The following SLC8A1 variants were observed in gnomAD, a reference collection of about 807,000 sequenced individuals.
SLC8A1 encodes sodium/calcium exchanger 1.
Under a neutral mutation model 68.3 loss-of-function variants are expected in SLC8A1, and 18 were observed. The ratio of observed to expected loss-of-function variants is 0.26; its 90% CI spans 0.18 to 0.39. The LOEUF (loss-of-function observed/expected upper bound fraction) is 0.39. Among genes scored for constraint, SLC8A1 ranks in the 10% least tolerant of loss-of-function variants. The probability of loss-of-function intolerance (pLI) is 1.00; values close to 1 mark genes in which losing one functional copy is unlikely to be tolerated. For missense variants in SLC8A1, 985 were observed against 1,156.7 expected, an observed-to-expected ratio of 0.85 and a Z score of 2.15; for synonymous variants, 475 against 415.5, an observed-to-expected ratio of 1.14 and a Z score of -1.74.
chr2:40,387,971 G>A (rs1434593260), intron 2 of SLC8A1, among the ~76,000 whole-genome samples: 4 of 148,700 alleles, frequency 2.7e-5, no homozygotes, highest in African/African-American at 9.9e-5. Flanking sequence ...AATTAGTTGA[G>A]ACTGATGGGC....
intron 1 of SLC8A1, among the ~76,000 whole-genome samples, chr2:40,443,420 G>T (rs1355417541): frequency 6.6e-6 from 1 of 152,146 alleles, no homozygotes; most frequent in East Asian, 1.9e-4. Flanking sequence ...AAGACATTCT[G>T]CAGGAAACCA....
At chr2:40,383,901 C>T (rs1682737914) in intron 2 of SLC8A1, among the ~76,000 whole-genome samples, 2 of 152,008 alleles carry the variant, frequency 1.3e-5, no homozygotes, top group South Asian at 2.1e-4. Flanking sequence ...AAGAGTGAAC[C>T]TTCAGTCATT....
At chr2:40,429,814 A>G (rs1285306398) in exon 2 of SLC8A1, 1 of 1,613,488 alleles carries the variant, frequency 6.2e-7, no homozygotes, top group East Asian at 2.2e-5. Flanking sequence ...ATGGCCACAC[A>G]CTTCAATTAC....
intron 2 of SLC8A1, among the ~76,000 whole-genome samples, chr2:40,416,262 T>G (rs962774427): frequency 2.3e-4 from 35 of 152,154 alleles, no homozygotes; most frequent in African/African-American, 8.4e-4. Flanking sequence ...GGTCAACTTA[T>G]ATAAGACACT....
rs1302295037 is a variant in SLC8A1 at position 40,177,724 on chromosome 2, G to A, written c.1912+28C>T. 8.9e-6 allele frequency: 12 copies of A among 1,347,054 alleles called. No homozygotes were observed. Among genetic ancestry groups the A allele is most frequent in the Admixed American group, 3.9e-5 (2 of 50,668 alleles). The allele number at this position is 1,347,054 out of a possible 1,614,324, so 83.4% of individuals were successfully genotyped here. ...CGGAGAGAGAAGAGTACAATTTCTC[G>A]CTGGTATGTCTTTGTTTACTCTCAC... On this transcript the variant is annotated intron_variant, in intron 3 of 7. Coordinates refer to ENST00000406785, the Ensembl canonical transcript of SLC8A1.
intron 2 of SLC8A1, among the ~76,000 whole-genome samples, chr2:40,386,792 T>G (rs1018687027): frequency 6.6e-6 from 1 of 150,958 alleles, no homozygotes; most frequent in Non-Finnish European, 1.5e-5. Context: ...AACAGGCCAG[T>G]TTTCTTCTTT....
At chr2:40,351,604 G>C (rs1409933128) in intron 2 of SLC8A1, among the ~76,000 whole-genome samples, 1 of 151,460 alleles carries the variant, frequency 6.6e-6, no homozygotes, top group Non-Finnish European at 1.5e-5. Flanking sequence ...AAAAAAGTTG[G>C]AAAACTCATA....
intron 7 of SLC8A1, among the ~76,000 whole-genome samples, chr2:40,119,714 A>G (rs1223960681): frequency 3.3e-5 from 5 of 152,226 alleles, no homozygotes; most frequent in Non-Finnish European, 7.3e-5. Context: ...GTTGATAATA[A>G]CACATGTATT....
Position 40,460,363 on chromosome 2 carries a change from C to A in SLC8A1, c.-24-30059G>T, listed in dbSNP as rs73926218. Among the ~76,000 whole-genome samples the A allele has an allele frequency of 8.7e-3, 1,324 of 152,168 alleles. 20 individuals carry two copies. Among genetic ancestry groups the A allele is most frequent in the African/African-American group, 0.028 (1,163 of 41,492 alleles). The stretch of plus-strand genomic sequence containing the variant: ...ATAAATATCTGTTGAATAAATGATG[C>A]AATTTAATGGAACATGCTACTTTAT... On this transcript the variant is annotated intron_variant, in intron 1 of 7. Transcript: ENST00000402441.
chr2:40,462,537 G>T (rs1000136813), intron 1 of SLC8A1, among the ~76,000 whole-genome samples: 14 of 151,548 alleles, frequency 9.2e-5, no homozygotes, highest in Admixed American at 2.0e-4. Context: ...GGCGGGGCAT[G>T]GTGGTTCATG....
chr2:40,466,872 C>T (rs961947215), intron 1 of SLC8A1, among the ~76,000 whole-genome samples: 2 of 151,266 alleles, frequency 1.3e-5, no homozygotes, highest in Non-Finnish European at 2.9e-5. Context: ...TATATGATTA[C>T]TTGACATCAA....
intron 2 of SLC8A1, among the ~76,000 whole-genome samples, chr2:40,283,704 C>T (rs2067846082): frequency 6.6e-6 from 1 of 152,220 alleles, no homozygotes; most frequent in African/African-American, 2.4e-5. Context: ...CTCACTGCAG[C>T]TGTCCTTTCT....
chr2:40,224,028 C>A (rs929309569), intron 2 of SLC8A1, among the ~76,000 whole-genome samples: 16 of 152,068 alleles, frequency 1.1e-4, no homozygotes, highest in Admixed American at 6.6e-5. Context: ...GTGGGCCCAG[C>A]ATGGTATAGC....
At chr2:40,352,001 A>G (rs1461508530) in intron 2 of SLC8A1, among the ~76,000 whole-genome samples, 1 of 152,228 alleles carries the variant, frequency 6.6e-6, no homozygotes, top group African/African-American at 2.4e-5. Context: ...CAAAAAGCTA[A>G]AATAAGGAAA....
intron 2 of SLC8A1, among the ~76,000 whole-genome samples, chr2:40,350,663 T>G (rs552794723): frequency 2.0e-4 from 29 of 148,104 alleles, no homozygotes; most frequent in African/African-American, 6.5e-4. Flanking sequence ...ATGTGTAAAT[T>G]TGTCTTAACA....
intron 2 of SLC8A1, among the ~76,000 whole-genome samples, chr2:40,333,612 T>C (rs980874419): frequency 1.3e-5 from 2 of 152,282 alleles, no homozygotes; most frequent in South Asian, 4.1e-4. Context: ...AGAAAATATA[T>C]ATATTTTTCT....
chr2:40,386,333 A>G (rs10192458), intron 2 of SLC8A1, among the ~76,000 whole-genome samples: 108,941 of 149,422 alleles, frequency 0.73, 41,206 homozygotes, highest in African/African-American at 0.93. Flanking sequence ...GTGTGTGTGT[A>G]TATAACAGAG....
At chr2:40,156,389 A>ATTCT (rs2044507629) in intron 6 of SLC8A1, among the ~76,000 whole-genome samples, 1 of 147,468 alleles carries the variant, frequency 6.8e-6, no homozygotes, top group African/African-American at 2.6e-5. Context: ...ACTTTTGAGT[A>ATTCT]TTCTTTCGTT....
At chr2:40,371,568 A>G (rs1171533735) in intron 2 of SLC8A1, among the ~76,000 whole-genome samples, 1 of 152,144 alleles carries the variant, frequency 6.6e-6, no homozygotes, top group Non-Finnish European at 1.5e-5. Context: ...GAATAGGCTA[A>G]TGAAGGTAAA....
Sources: gnomAD v4.1 joint callset for allele counts (sites outside exome capture counted in the v4.1 genomes callset) on GRCh38, gnomAD v4.1.1 for gene constraint, MANE v1.5 for transcripts, NCBI Gene and HGNC (gene_info 2026-07-23, HGNC 2026-07-21) for gene names.